ADGB: variants seen among roughly 807,000 people sequenced by gnomAD.
ADGB encodes calpain-7-like protein.
In ADGB, 172 loss-of-function variants were observed where a neutral mutation model predicts 210.5. The ratio of observed to expected loss-of-function variants is 0.82; its 90% confidence interval spans 0.72 to 0.93. The LOEUF is 0.93. ADGB is among the 40% of genes least tolerant of loss of function. The pLI is 0.00. For synonymous variants in ADGB, 658 were observed against 662.7 expected (o/e 0.99, Z 0.11); for missense variants, 2,025 against 1,964.8 (o/e 1.03, Z -0.58).
chr6:146,640,179 G>A (rs946601171), intron 2 of ADGB, among the ~76,000 whole-genome samples: 1 of 151,898 alleles, frequency 6.6e-6, no homozygotes, highest in Non-Finnish European at 1.5e-5. Flanking sequence ...ATAAATTCCT[G>A]GACACATACA....
intron 1 of ADGB, among the ~76,000 whole-genome samples, chr6:146,630,161 C>T (rs1183114019): frequency 2.0e-5 from 3 of 151,994 alleles, no homozygotes; most frequent in Admixed American, 6.6e-5. Context: ...CGCTTGAACC[C>T]GGGAGGCGGA....
chr6:146,633,478 A>G (rs1781094357), intron 1 of ADGB, among the ~76,000 whole-genome samples: 1 of 151,830 alleles, frequency 6.6e-6, no homozygotes, highest in African/African-American at 2.4e-5. Flanking sequence ...TGCATCTAGT[A>G]CCTCTCTGCA....
At chr6:146,693,814 T>C (rs1226172276) in intron 12 of ADGB, among the ~76,000 whole-genome samples, 1 of 152,188 alleles carries the variant, frequency 6.6e-6, no homozygotes. Context: ...TCACAAGTTC[T>C]ACCTTCCGCA....
chr6:146,733,786 C>A, intron 21 of ADGB, 107 bp from the exon 22 acceptor site: 1 of 1,195,278 alleles, frequency 8.4e-7, no homozygotes, highest in Non-Finnish European at 1.2e-6. Flanking sequence ...CTAACTCTTG[C>A]AATGTAGAAT....
chr6:146,810,199 A>G (rs7773366), intron 35 of ADGB, among the ~76,000 whole-genome samples: 9,308 of 152,294 alleles, frequency 0.061, 685 homozygotes, highest in African/African-American at 0.18. Flanking sequence ...CAACAGGTAT[A>G]TGCAAAGGTA....
chr6:146,665,570 G>GATTGAATTGATC (rs1448357753), intron 6 of ADGB, among the ~76,000 whole-genome samples: 3 of 152,060 alleles, frequency 2.0e-5, no homozygotes, highest in Non-Finnish European at 4.4e-5. Flanking sequence ...GAGCAGTGAG[G>GATTGAATTGATC]CATTGAATAC....
At chr6:146,600,933 CA>C (rs1780547615) in intron 1 of ADGB, among the ~76,000 whole-genome samples, 1 of 34,330 alleles carries the variant, frequency 2.9e-5, no homozygotes, top group Non-Finnish European at 8.4e-5. Flanking sequence ...TGCGCACACA[CA>C]CACACACACA....
At chr6:146,624,732 C>G (rs1780948705) in intron 1 of ADGB, among the ~76,000 whole-genome samples, 2 of 151,586 alleles carry the variant, frequency 1.3e-5, no homozygotes, top group African/African-American at 4.8e-5. Context: ...TAAATTTCAC[C>G]CTATGTTACT....
At chr6:146,763,624 T>C (rs552557772) in intron 27 of ADGB, among the ~76,000 whole-genome samples, 1 of 152,308 alleles carries the variant, frequency 6.6e-6, no homozygotes, top group African/African-American at 2.4e-5. Flanking sequence ...CTTAGGGTCA[T>C]TCAAGTGGCA....
At chr6:146,714,056 C>T (rs1776696661) in intron 13 of ADGB, among the ~76,000 whole-genome samples, 1 of 152,110 alleles carries the variant, frequency 6.6e-6, no homozygotes, top group African/African-American at 2.4e-5. Context: ...AATTACTCCT[C>T]ATAATATTGT....
At chr6:146,617,491 A>G (rs1485041998) in intron 1 of ADGB, among the ~76,000 whole-genome samples, 1 of 152,074 alleles carries the variant, frequency 6.6e-6, no homozygotes, top group Non-Finnish European at 1.5e-5. Flanking sequence ...GAAAGCGGTA[A>G]AAGTGGGCAT....
At position 146,736,525 on chromosome 6, in the gene ADGB, A is replaced by G. The variant is rs1052072764; in HGVS notation, c.2822A>G (p.Asp941Gly). ...PDTKENISVA[D>G]TLQKVWAVLE... is the part of the protein sequence containing the mutation. ...ACAAAAGAAAATATCAGTGTTGCAG[A>G]TACTCTTCAAAAAGTTTGGGCTGTA... Residue 941 changes from aspartate (D) to glycine (G), a missense_variant, in exon 23 of 36, where the codon GAT becomes GGT. By Grantham distance (94) the Asp-to-Gly change is moderately conservative. Coordinates refer to ENST00000397944, the MANE Select transcript of ADGB (RefSeq NM_024694.4). 6.5e-7 allele frequency: 1 copy of G among 1,548,152 alleles called. No individual in the cohort carries two copies. Among genetic ancestry groups the G allele is most frequent in the Non-Finnish European group, 8.7e-7 (1 of 1,145,028 alleles).
At chr6:146,810,251 T>C (rs1177414475) in intron 35 of ADGB, among the ~76,000 whole-genome samples, 1 of 151,982 alleles carries the variant, frequency 6.6e-6, no homozygotes, top group Non-Finnish European at 1.5e-5. Context: ...ATCAAAACAA[T>C]GACATCTCAC....
intron 1 of ADGB, among the ~76,000 whole-genome samples, chr6:146,607,955 G>A (rs1399885570): frequency 3.9e-5 from 6 of 152,148 alleles, no homozygotes; most frequent in African/African-American, 1.4e-4. Flanking sequence ...CGATGTGTTG[G>A]AATCGTTTCA....
intron 13 of ADGB, among the ~76,000 whole-genome samples, chr6:146,714,592 G>C (rs978346599): frequency 6.6e-6 from 1 of 152,156 alleles, no homozygotes; most frequent in Non-Finnish European, 1.5e-5. Flanking sequence ...GGCAAAAGAA[G>C]ACTGGATGCT....
At chr6:146,776,028 C>T (rs904392099) in intron 29 of ADGB, among the ~76,000 whole-genome samples, 1 of 151,890 alleles carries the variant, frequency 6.6e-6, no homozygotes, top group African/African-American at 2.4e-5. Context: ...TTATATGTTT[C>T]GTTATCCACT....
intron 1 of ADGB, among the ~76,000 whole-genome samples, chr6:146,632,489 G>C (rs1781079850): frequency 6.6e-6 from 1 of 152,100 alleles, no homozygotes; most frequent in African/African-American, 2.4e-5. Context: ...CAGATCCACA[G>C]TTTCCAGGGA....
intron 9 of ADGB, among the ~76,000 whole-genome samples, chr6:146,679,840 T>G (rs1319157493): frequency 6.6e-6 from 1 of 152,194 alleles, no homozygotes; most frequent in African/African-American, 2.4e-5. Context: ...TCTATAAGAA[T>G]GAATAAATCA....
At chr6:146,672,195 T>G (rs764222559) in intron 7 of ADGB, 25 bp from the exon 8 acceptor site, 31 of 1,458,716 alleles carry the variant, frequency 2.1e-5, no homozygotes, top group Non-Finnish European at 2.8e-5. Context: ...CGTTTGGAAA[T>G]TAATGTTTTT....
Sources: gnomAD v4.1 joint callset for allele counts (sites outside exome capture counted in the v4.1 genomes callset) on GRCh38, gnomAD v4.1.1 for gene constraint, MANE v1.5 for transcripts, NCBI Gene and HGNC (gene_info 2026-07-23, HGNC 2026-07-21) for gene names.